PCDH15: variants seen among roughly 807,000 people sequenced by gnomAD.
PCDH15 encodes the protein protocadherin-15.
In PCDH15, 129 loss-of-function variants were observed where a neutral mutation model predicts 178.5. That is an observed-to-expected ratio of 0.72 (90% confidence interval 0.63 to 0.84). The LOEUF (loss-of-function observed/expected upper bound fraction) is 0.84. Among genes scored for constraint, PCDH15 ranks in the 40% least tolerant of loss-of-function variants. The pLI is 0.00. For missense variants in PCDH15, 2,230 were observed against 2,099.9 expected (o/e 1.06, Z -1.21); for synonymous variants, 800 against 732.0 (o/e 1.09, Z -1.50).
intron 13 of PCDH15, among the ~76,000 whole-genome samples, chr10:54,161,550 G>A (rs1426489810): frequency 3.3e-5 from 5 of 151,470 alleles, no homozygotes; most frequent in East Asian, 4.1e-4. Context: ...TGGAACTGAT[G>A]TTTACTGGTC....
chr10:54,405,198 C>G (rs1263055228), intron 3 of PCDH15, among the ~76,000 whole-genome samples: 1 of 152,180 alleles, frequency 6.6e-6, no homozygotes, highest in South Asian at 2.1e-4. Flanking sequence ...AAGATACATG[C>G]ATGTAAATGT....
At chr10:55,351,141 C>G (rs932621330) in intron 2 of PCDH15, among the ~76,000 whole-genome samples, 2 of 149,466 alleles carry the variant, frequency 1.3e-5, no homozygotes, top group Non-Finnish European at 3.0e-5. Flanking sequence ...TTAAACCTAC[C>G]TAAAGAGTGG....
chr10:54,547,235 A>T (rs903013775), intron 2 of PCDH15, among the ~76,000 whole-genome samples: 1 of 152,118 alleles, frequency 6.6e-6, no homozygotes, highest in African/African-American at 2.4e-5. Context: ...ATTTAACCCT[A>T]TTGCTTCTCA....
At chr10:55,258,220 T>A (rs558367253) in intron 1 of PCDH15, among the ~76,000 whole-genome samples, 1 of 152,298 alleles carries the variant, frequency 6.6e-6, no homozygotes, top group South Asian at 2.1e-4. Flanking sequence ...ACTATAATTG[T>A]TCCTAAAAGG....
chr10:54,916,976 C>A, intron 2 of PCDH15, among the ~76,000 whole-genome samples: 1 of 152,018 alleles, frequency 6.6e-6, no homozygotes, highest in East Asian at 1.9e-4. Context: ...GGACATAATA[C>A]ACAGAAAACA....
In PCDH15 at chr10:54,937,834, T is replaced by A. The variant is rs551053960; in HGVS notation, c.-79-40334A>T. ...TTAAAAATTTCTTATTCCAAGACTT[T>A]ATTTTTTCCTTGCCAAACTACCTTG... On this transcript the variant is annotated intron_variant, in intron 2 of 5. Coordinates refer to the PCDH15 transcript ENST00000458638. 1.2e-4 allele frequency among the ~76,000 whole-genome samples: 19 copies of A among 152,212 alleles called. No individual in the cohort carries two copies. In the South Asian group the frequency reaches 3.9e-3, roughly 32 times the overall value.
chr10:55,476,673 G>A (rs1840068499), intron 2 of PCDH15, among the ~76,000 whole-genome samples: 2 of 151,976 alleles, frequency 1.3e-5, no homozygotes, highest in South Asian at 2.1e-4. Context: ...ATATTGTTTG[G>A]CTTTGGAAAA....
intron 26 of PCDH15, among the ~76,000 whole-genome samples, chr10:53,868,996 C>T (rs1224275462): frequency 6.6e-6 from 1 of 152,044 alleles, no homozygotes; most frequent in South Asian, 2.1e-4. Context: ...TTTGTAGACA[C>T]AGGGTCTCGC....
intron 16 of PCDH15, among the ~76,000 whole-genome samples, chr10:54,087,326 G>A (rs2094530697): frequency 6.6e-6 from 1 of 151,966 alleles, no homozygotes; most frequent in Admixed American, 6.6e-5. Flanking sequence ...CTCATTTTCA[G>A]GCAATCATTG....
chr10:55,531,434 A>G (rs1440783705), intron 2 of PCDH15, among the ~76,000 whole-genome samples: 1 of 152,034 alleles, frequency 6.6e-6, no homozygotes, highest in African/African-American at 2.4e-5. Flanking sequence ...AAAGTAGACT[A>G]AAGAGCTATT....
rs187898119 is a variant in PCDH15, at chr10:54,725,452, G to A, written c.-28-61162C>T. On this transcript the variant is annotated intron_variant, in intron 1 of 37. Transcript: ENST00000644397. The stretch of plus-strand genomic sequence containing the variant: ...AGCAATTTGGGAGACCAAGGTGGAA[G>A]GATCACTTGAACTCAGAAGTCTGAG... Among the ~76,000 whole-genome samples the A allele has an allele frequency of 4.3e-3, 631 of 146,886 alleles. 5 individuals carry two copies. Among genetic ancestry groups the A allele is most frequent in the Non-Finnish European group, 7.3e-3 (484 of 66,628 alleles).
chr10:54,885,613 A>G (rs1954344358), intron 3 of PCDH15, among the ~76,000 whole-genome samples: 1 of 152,144 alleles, frequency 6.6e-6, no homozygotes, highest in South Asian at 2.1e-4. Context: ...AGTAATCAAT[A>G]TGAAAATAAC....
rs776020523 is a variant in PCDH15 at position 53,809,160 on chromosome 10, T to C, written c.4671+1396A>G. ...TGGAACTCTCCTCCTCCTCAGAGGGTGTCTCTGACTCAGATTCCTCTTCTG... is the reference window on the plus strand; with the variant it reads ...TGGAACTCTCCTCCTCCTCAGAGGGCGTCTCTGACTCAGATTCCTCTTCTG... On this transcript the variant is annotated intron_variant, in intron 37 of 37. Coordinates refer to ENST00000644397, the MANE Select transcript of PCDH15 (RefSeq NM_001384140.1). 7.4e-6 allele frequency: 12 copies of C among 1,613,952 alleles called. No homozygotes were observed. The highest frequency in any genetic ancestry group is 9.3e-6 in the Non-Finnish European group (11 of 1,179,868).
At chr10:54,015,469 C>T (rs1221700450) in intron 20 of PCDH15, among the ~76,000 whole-genome samples, 1 of 152,040 alleles carries the variant, frequency 6.6e-6, no homozygotes, top group Non-Finnish European at 1.5e-5. Flanking sequence ...AAGAAAAAAG[C>T]TGAAGATATC....
intron 1 of PCDH15, among the ~76,000 whole-genome samples, chr10:55,198,644 C>T (rs923986022): frequency 6.6e-6 from 1 of 151,318 alleles, no homozygotes; most frequent in Non-Finnish European, 1.5e-5. Flanking sequence ...CCCGCCACCA[C>T]GCCCAGCTAA....
At chr10:53,880,428 G>A (rs2080622140) in intron 26 of PCDH15, among the ~76,000 whole-genome samples, 1 of 152,130 alleles carries the variant, frequency 6.6e-6, no homozygotes, top group Non-Finnish European at 1.5e-5. Flanking sequence ...TATGAATAGT[G>A]TATAAGAAGT....
intron 25 of PCDH15, among the ~76,000 whole-genome samples, chr10:53,926,074 C>T (rs958427245): frequency 1.3e-5 from 2 of 152,132 alleles, no homozygotes; most frequent in African/African-American, 4.8e-5. Context: ...TGATTTCTTC[C>T]TTTCTCTTTA....
At chr10:55,491,939 G>A (rs1050191723) in intron 2 of PCDH15, among the ~76,000 whole-genome samples, 1 of 151,592 alleles carries the variant, frequency 6.6e-6, no homozygotes, top group South Asian at 2.1e-4. Flanking sequence ...AATGCATGGA[G>A]TGTACTTGAG....
At chr10:55,071,241 C>A (rs1203078768) in intron 2 of PCDH15, among the ~76,000 whole-genome samples, 1 of 151,800 alleles carries the variant, frequency 6.6e-6, no homozygotes, top group South Asian at 2.1e-4. Flanking sequence ...CAAGTTCACA[C>A]ATAACAATAT....
Sources: gnomAD v4.1 joint callset for allele counts (sites outside exome capture counted in the v4.1 genomes callset) on GRCh38, gnomAD v4.1.1 for gene constraint, MANE v1.5 for transcripts, NCBI Gene and HGNC (gene_info 2026-07-23, HGNC 2026-07-21) for gene names.